Variants in PREX2 observed in about 807,000 individuals in gnomAD.
PREX2 encodes the protein phosphatidylinositol 3,4,5-trisphosphate-dependent Rac exchanger 2 protein.
A neutral mutation model predicts 203.2 loss-of-function variants in PREX2; 107 were observed. The observed-to-expected ratio is 0.53, with a 90% CI of 0.45 to 0.62. The LOEUF is 0.62. Ranked by LOEUF, PREX2 falls within the 20% of genes least tolerant of loss-of-function variation. The pLI, the probability that PREX2 is intolerant of heterozygous loss-of-function variation, is 0.00. For missense variants in PREX2, 1,777 were observed against 1,955.9 expected (o/e 0.91, Z 1.72); for synonymous variants, 672 against 663.6 (o/e 1.01, Z -0.19).
intron 12 of PREX2, 44 bp from the exon 13 acceptor site, chr8:68,069,791 T>C (rs1809140559): frequency 1.1e-6 from 1 of 939,822 alleles, no homozygotes; most frequent in African/African-American, 1.6e-5. Flanking sequence ...GAAATGTCCC[T>C]TGGGTAATCT....
intron 35 of PREX2, among the ~76,000 whole-genome samples, chr8:68,186,832 A>G (rs1267044470): frequency 2.6e-5 from 4 of 152,210 alleles, no homozygotes; most frequent in African/African-American, 9.6e-5. Flanking sequence ...TTAAAAAGGC[A>G]GATTGTTGCT....
intron 9 of PREX2, among the ~76,000 whole-genome samples, chr8:68,054,357 C>G (rs1470699867): frequency 7.1e-6 from 1 of 141,468 alleles, no homozygotes; most frequent in Admixed American, 7.0e-5. Flanking sequence ...TCTTAAGCAC[C>G]CAAGAGAAAA....
rs773214113 is a variant in PREX2, at chr8:68,217,656, G to A, written c.4645G>A (p.Ala1549Thr). 4.3e-6 allele frequency: 7 copies of A among 1,614,114 alleles called. No individual in the cohort carries two copies. The highest frequency in any genetic ancestry group is 5.9e-6 in the Non-Finnish European group (7 of 1,179,996). The change falls in exon 38 of 40, where the codon GCC becomes ACC. Residue 1549 changes from alanine (A) to threonine (T), a missense_variant. Physicochemically the swap from Ala to Thr is moderately conservative, Grantham distance 58. Coordinates refer to ENST00000288368, the MANE Select transcript of PREX2 (RefSeq NM_024870.4). ...GACGCTGGAGCAAGCCATCATTCTG[G>A]CCAGAAGCCACGGACTGCCACCTCG... ...SVTLEQAIIL[A>T]RSHGLPPRYI...
intron 1 of PREX2, among the ~76,000 whole-genome samples, chr8:68,014,528 A>G (rs1807358602): frequency 6.6e-6 from 1 of 152,088 alleles, no homozygotes; most frequent in Admixed American, 6.6e-5. Context: ...TAGTGTCTGC[A>G]TCTCCCTACC....
intron 22 of PREX2, among the ~76,000 whole-genome samples, chr8:68,098,015 C>T (rs1185188054): frequency 1.3e-5 from 2 of 152,176 alleles, no homozygotes; most frequent in Admixed American, 6.5e-5. Flanking sequence ...GAAAGGACAT[C>T]ACCTTTGCAG....
At chr8:68,214,886 T>C (rs1444976856) in intron 37 of PREX2, among the ~76,000 whole-genome samples, 1 of 152,210 alleles carries the variant, frequency 6.6e-6, no homozygotes, top group African/African-American at 2.4e-5. Context: ...TTTAACACTT[T>C]TTACTTTTTT....
At chr8:68,219,022 G>A (rs1364195571) in intron 38 of PREX2, among the ~76,000 whole-genome samples, 1 of 152,174 alleles carries the variant, frequency 6.6e-6, no homozygotes, top group Non-Finnish European at 1.5e-5. Context: ...CCATATCAGA[G>A]TTGAGATTTA....
At chr8:68,019,428 G>C in intron 2 of PREX2, 121 bp from the exon 3 acceptor site, 2 of 712,238 alleles carry the variant, frequency 2.8e-6, no homozygotes, top group East Asian at 6.2e-5. Context: ...AGGCTCTGTC[G>C]GCAAGGTGGG....
intron 7 of PREX2, among the ~76,000 whole-genome samples, chr8:68,043,745 C>T (rs929474656): frequency 1.3e-5 from 2 of 151,732 alleles, no homozygotes; most frequent in African/African-American, 4.8e-5. Context: ...AATATTTTTC[C>T]TGTGTGCTTA....
intron 1 of PREX2, among the ~76,000 whole-genome samples, chr8:67,994,387 A>G (rs896931235): frequency 1.3e-5 from 2 of 152,200 alleles, no homozygotes; most frequent in Non-Finnish European, 2.9e-5. Flanking sequence ...GAATCACCTT[A>G]ATATTGTATT....
intron 1 of PREX2, among the ~76,000 whole-genome samples, chr8:67,956,809 A>G (rs1459271219): frequency 6.6e-6 from 1 of 152,230 alleles, no homozygotes; most frequent in Non-Finnish European, 1.5e-5. Flanking sequence ...TATTAAAACA[A>G]TGACTTCAAG....
chr8:68,068,381 G>A (rs182179089), intron 11 of PREX2, among the ~76,000 whole-genome samples: 6 of 151,930 alleles, frequency 3.9e-5, no homozygotes, highest in East Asian at 1.9e-4. Context: ...AAGAATGAAC[G>A]GTCTTGTTTT....
chr8:68,189,585 T>C (rs1208046551), intron 35 of PREX2, among the ~76,000 whole-genome samples: 2 of 152,240 alleles, frequency 1.3e-5, no homozygotes, highest in Non-Finnish European at 2.9e-5. Context: ...TTTATTTTGC[T>C]CTTGATCTAG....
In PREX2 at chr8:68,015,084, A is replaced by G. The variant is rs192490886; in HGVS notation, c.142-2762A>G. On this transcript the variant is annotated intron_variant, in intron 1 of 39. Coordinates refer to ENST00000288368, the MANE Select transcript of PREX2 (RefSeq NM_024870.4). ...TGAATACAGAGATAAAACAATGTGTAGAATCCTTCATGTATTTTTGTGACT... is the reference window on the plus strand; with the variant it reads ...TGAATACAGAGATAAAACAATGTGTGGAATCCTTCATGTATTTTTGTGACT... Among the ~76,000 whole-genome samples, 59 of 152,364 alleles carry G rather than the reference A, an allele frequency of 3.9e-4. No homozygotes were observed. The East Asian group carries it at 0.011, about 28-fold the overall frequency.
Position 68,118,510 on chromosome 8 carries a change from A to G in PREX2, c.3327-40A>G, listed in dbSNP as rs377096366. 32 of 1,327,388 alleles carry G rather than the reference A, an allele frequency of 2.4e-5. No individual in the cohort carries two copies. In the African/African-American group the frequency reaches 3.9e-4, roughly 16 times the overall value. The allele number at this position is 1,327,388 out of a possible 1,614,324, so 82.2% of individuals were successfully genotyped here. A position where few individuals can be genotyped will look rare whatever the true frequency, so the allele number is the denominator to read the frequency against. ...TAAGAAATTGCAGGGACACCTGGGC[A>G]GATGCACTCTTACAGTAACATGAAA... On this transcript the variant is annotated intron_variant, in intron 26 of 39. Coordinates refer to ENST00000288368, the MANE Select transcript of PREX2 (RefSeq NM_024870.4).
Position 68,109,556 on chromosome 8 carries a change from C to A in PREX2, c.3079C>A (p.Gln1027Lys). The A allele has an allele frequency of 6.2e-7, 1 of 1,613,998 alleles. No individual in the cohort carries two copies. The highest frequency in any genetic ancestry group is 8.5e-7 in the Non-Finnish European group (1 of 1,179,904). ...EEDLETQDIY[Q>K]KLLGKLQTAL... is the part of the protein sequence containing the mutation. ...AGACTTAGAAACCCAAGACATCTAT[C>A]AGAAACTGCTGGGCAAACTTCAGAC... Residue 1027 changes from glutamine (Q) to lysine (K), a missense_variant, in exon 25 of 40, where the codon CAG (glutamine) becomes AAG (lysine). Gln to Lys is a moderately conservative substitution (Grantham distance 53, BLOSUM62 1). Transcript: ENST00000288368.
rs7822921 is a variant in PREX2 at position 68,066,722 on chromosome 8, C to G, written c.1340-2311C>G. On this transcript the variant is annotated intron_variant, in intron 11 of 39. Transcript: ENST00000288368. The stretch of plus-strand genomic sequence containing the variant: ...TGTGCATACACTTTTTAGTTTGATG[C>G]AATTGCATTTGTCTATTTTTATTTG... Among the ~76,000 whole-genome samples, 1,086 of 152,038 alleles carry G rather than the reference C, an allele frequency of 7.1e-3. 15 individuals carry two copies. Among genetic ancestry groups the G allele is most frequent in the African/African-American group, 0.024 (989 of 41,526 alleles).
chr8:68,067,959 A>G (rs186395093), intron 11 of PREX2, among the ~76,000 whole-genome samples: 1 of 152,142 alleles, frequency 6.6e-6, no homozygotes, highest in East Asian at 1.9e-4. Flanking sequence ...TTCTGCTTCT[A>G]TTGAGATCAT....
intron 8 of PREX2, among the ~76,000 whole-genome samples, chr8:68,051,414 C>A (rs940931440): frequency 2.6e-5 from 4 of 152,026 alleles, no homozygotes; most frequent in African/African-American, 2.4e-5. Context: ...CATGGCCTGA[C>A]TTGAACAGAG....
Sources: allele counts gnomAD v4.1 joint callset (sites outside exome capture counted in the v4.1 genomes callset), GRCh38; gene constraint gnomAD v4.1.1; transcripts MANE v1.5; gene names NCBI Gene and HGNC (gene_info 2026-07-23, HGNC 2026-07-21).